SLC12A8: variants seen among roughly 807,000 people sequenced by gnomAD.
SLC12A8 encodes cation-chloride cotransporter 9.
SLC12A8 carries 69 observed loss-of-function variants against 75.6 expected under a neutral mutation model. The ratio of observed to expected loss-of-function variants is 0.91; its 90% CI spans 0.75 to 1.11. The LOEUF is 1.11. SLC12A8 is among the 50% of genes most tolerant of loss of function. SLC12A8 has a pLI of 0.00. For missense variants in SLC12A8, 877 were observed against 896.7 expected (o/e 0.98, Z 0.28); for synonymous variants, 365 against 372.8 (o/e 0.98, Z 0.24).
intron 2 of SLC12A8, among the ~76,000 whole-genome samples, chr3:125,209,185 G>C (rs1003939552): frequency 1.3e-5 from 2 of 152,130 alleles, no homozygotes; most frequent in African/African-American, 4.8e-5. Context: ...CTGTTCCCAC[G>C]CAGAGGTCCT....
At chr3:125,102,118 T>C (rs1399139896) in intron 10 of SLC12A8, among the ~76,000 whole-genome samples, 1 of 152,194 alleles carries the variant, frequency 6.6e-6, no homozygotes, top group East Asian at 1.9e-4. Context: ...CTAATATGAA[T>C]CAAATGTTAT....
chr3:125,190,516 G>C lies in SLC12A8; in HGVS notation c.57C>G (p.Ala19=). Residue 19 remains alanine, a synonymous_variant, in exon 3 of 14, where the codon GCC becomes GCG. Transcript: ENST00000469902. The stretch of plus-strand genomic sequence containing the variant: ...TCCACCAGGGCTGGGGCTGGGCCAG[G>C]GCATCCTGCAAACAGAACACACAGA... ...ELFHEAAQQD[A]LAQPQPWWKT... The C allele has an allele frequency of 3.7e-6, 6 of 1,613,944 alleles. No individual in the cohort carries two copies. The highest frequency in any genetic ancestry group is 5.1e-6 in the Non-Finnish European group (6 of 1,179,906).
At position 125,110,263 on chromosome 3, in the gene SLC12A8, A is replaced by C; in HGVS notation, c.985T>G (p.Tyr329Asp). Residue 329 changes from tyrosine to aspartate, a missense_variant, in exon 9 of 14, where the codon TAT (tyrosine) becomes GAT (aspartate). Transcript: ENST00000469902. Reference protein sequence around the residue: ...SSLASCMGGLYGAPRILQCIA... With the variant: ...SSLASCMGGLDGAPRILQCIA... Reference sequence around the variant, plus strand: ...CACTGCAGGATGCGGGGAGCTCCATAAAGTCCTCCCATGCAGGAAGCCAGG... The same window carrying C: ...CACTGCAGGATGCGGGGAGCTCCATCAAGTCCTCCCATGCAGGAAGCCAGG... 6.2e-7 allele frequency: 1 copy of C among 1,614,052 alleles called. No individual in the cohort carries two copies. Among genetic ancestry groups the C allele is most frequent in the South Asian group, 1.1e-5 (1 of 91,068 alleles).
chr3:125,153,628 G>GTATTTATT lies in SLC12A8; in HGVS notation c.623-17854_623-17847dup, dbSNP rs145148541. On this transcript the variant is annotated intron_variant, in intron 5 of 13. Transcript: ENST00000469902. ...ACTTCTAAGAGATAATGAAATTTATGTATTTATTTATTTATTTATATATTT... is the reference window on the plus strand; with the variant it reads ...ACTTCTAAGAGATAATGAAATTTATGTATTTATTTATTTATTTATTTATTTATATATTT... Among the ~76,000 whole-genome samples, 87 of 149,010 alleles carry GTATTTATT rather than the reference G, an allele frequency of 5.8e-4. No individual in the cohort carries two copies. The East Asian group carries it at 6.8e-3, about 12-fold the overall frequency.
At chr3:125,190,296 G>A (rs546056806) in intron 3 of SLC12A8, 79 bp downstream of exon 3, 1 of 1,503,086 alleles carries the variant, frequency 6.7e-7, no homozygotes, top group African/African-American at 1.4e-5. Flanking sequence ...TCTGTGGCCT[G>A]CACTGTAGAA....
chr3:125,106,904 T>C (rs185962523), intron 10 of SLC12A8, among the ~76,000 whole-genome samples: 30 of 152,280 alleles, frequency 2.0e-4, no homozygotes, highest in African/African-American at 6.7e-4. Flanking sequence ...CACGAAGTAA[T>C]AGATGTAAAG....
intron 6 of SLC12A8, among the ~76,000 whole-genome samples, 167 bp downstream of exon 6, chr3:125,135,502 T>C: frequency 6.6e-6 from 1 of 152,156 alleles, no homozygotes; most frequent in East Asian, 1.9e-4. Flanking sequence ...CTCTACAAAA[T>C]ACATACATAA....
In SLC12A8 at chr3:125,103,808, G is replaced by GT. The variant is rs1410902360; in HGVS notation, c.1705+3672dup. On this transcript the variant is annotated intron_variant, in intron 10 of 13. Coordinates refer to ENST00000469902, the MANE Select transcript of SLC12A8 (RefSeq NM_024628.6). ...CCACTATACCCCCACTAATTTTTTA[G>GT]TTTTTTGTAGCAGCCGGATCTCGCT... 3.3e-5 allele frequency among the ~76,000 whole-genome samples: 5 copies of GT among 152,014 alleles called. No homozygotes were observed. The South Asian group carries it at 8.3e-4, about 25-fold the overall frequency.
chr3:125,098,208 C>T lies in SLC12A8; in HGVS notation c.1706-6010G>A, dbSNP rs530932710. Among the ~76,000 whole-genome samples the T allele has an allele frequency of 5.3e-5, 8 of 152,166 alleles. 1 individual carries two copies. Among genetic ancestry groups the T allele is most frequent in the African/African-American group, 1.7e-4 (7 of 41,496 alleles). The stretch of plus-strand genomic sequence containing the variant: ...CTAATTAGCATGTATAAACTGATAA[C>T]GTATATTGCCTTAGTCCACACAGAA... On this transcript the variant is annotated intron_variant, in intron 10 of 13. Transcript: ENST00000469902.
intron 5 of SLC12A8, among the ~76,000 whole-genome samples, chr3:125,153,002 C>T (rs1933965753): frequency 1.3e-5 from 2 of 152,120 alleles, no homozygotes; most frequent in Non-Finnish European, 2.9e-5. Context: ...TGCAGCCAGG[C>T]GCTCCGTCCA....
chr3:125,187,485 C>T, intron 3 of SLC12A8, 57 bp from the exon 4 acceptor site: 1 of 1,518,926 alleles, frequency 6.6e-7, no homozygotes, highest in Non-Finnish European at 9.0e-7. Flanking sequence ...CCGCCAGCTC[C>T]CTGCTGGGGG....
At chr3:125,127,904 A>C (rs1933247934) in intron 6 of SLC12A8, among the ~76,000 whole-genome samples, 1 of 152,160 alleles carries the variant, frequency 6.6e-6, no homozygotes, top group Non-Finnish European at 1.5e-5. Flanking sequence ...TTGAGACGGA[A>C]TATCACTTTG....
At chr3:125,123,204 A>G (rs996196925) in intron 6 of SLC12A8, among the ~76,000 whole-genome samples, 4 of 152,002 alleles carry the variant, frequency 2.6e-5, no homozygotes, top group African/African-American at 9.7e-5. Flanking sequence ...GTGAAACTCC[A>G]TCTCTACTAA....
At chr3:125,138,168 G>A (rs1018651037) in intron 5 of SLC12A8, among the ~76,000 whole-genome samples, 4 of 152,184 alleles carry the variant, frequency 2.6e-5, no homozygotes, top group Non-Finnish European at 5.9e-5. Context: ...TTGGGAGGCC[G>A]AGGCAGGTGG....
chr3:125,154,463 A>G (rs555367492), intron 5 of SLC12A8, among the ~76,000 whole-genome samples: 18 of 152,322 alleles, frequency 1.2e-4, no homozygotes, highest in African/African-American at 3.8e-4. Flanking sequence ...CATGGGGACA[A>G]TAACACACAG....
At chr3:125,174,604 C>T (rs972587798) in intron 5 of SLC12A8, among the ~76,000 whole-genome samples, 6 of 152,118 alleles carry the variant, frequency 3.9e-5, no homozygotes, top group Non-Finnish European at 7.4e-5. Flanking sequence ...GGTGAATGGA[C>T]AAACAGTGCT....
At chr3:125,188,925 TG>T (rs1327130712) in intron 3 of SLC12A8, among the ~76,000 whole-genome samples, 2 of 152,222 alleles carry the variant, frequency 1.3e-5, no homozygotes, top group Non-Finnish European at 2.9e-5. Flanking sequence ...AGACTTCTTA[TG>T]GGGGCTAAGA....
intron 6 of SLC12A8, among the ~76,000 whole-genome samples, chr3:125,121,402 C>G (rs1480532213): frequency 6.6e-6 from 1 of 152,188 alleles, no homozygotes; most frequent in East Asian, 1.9e-4. Context: ...ATCCAGCCCA[C>G]AAGTGCCATA....
intron 5 of SLC12A8, among the ~76,000 whole-genome samples, chr3:125,174,428 C>A (rs1934477007): frequency 6.6e-6 from 1 of 152,188 alleles, no homozygotes. Context: ...GACAGTTTGG[C>A]AGTTTCTTAC....
Sources: gnomAD v4.1 joint callset for allele counts (sites outside exome capture counted in the v4.1 genomes callset) on GRCh38, gnomAD v4.1.1 for gene constraint, MANE v1.5 for transcripts, NCBI Gene and HGNC (gene_info 2026-07-23, HGNC 2026-07-21) for gene names.